The following IMMT variants were observed in gnomAD, a reference collection of about 807,000 sequenced individuals.
IMMT encodes the protein inner membrane mitochondrial protein.
A neutral mutation model predicts 92.7 loss-of-function variants in IMMT; 40 were observed. That is an observed-to-expected ratio of 0.43 (90% CI 0.34 to 0.56). The LOEUF is 0.56. Among genes scored for constraint, IMMT ranks in the 20% least tolerant of loss-of-function variants. IMMT has a pLI of 0.03. For missense variants in IMMT, 831 were observed against 912.1 expected (o/e 0.91, Z 1.14); for synonymous variants, 322 against 336.1 (o/e 0.96, Z 0.46).
Position 86,144,458 on chromosome 2 carries a change from T to G in IMMT, c.2087A>C (p.Tyr696Ser). 1.2e-6 allele frequency: 2 copies of G among 1,613,930 alleles called. No individual in the cohort carries two copies. Among genetic ancestry groups the G allele is most frequent in the Non-Finnish European group, 1.7e-6 (2 of 1,179,884 alleles). The change falls in exon 15 of 15, where the codon TAT becomes TCT. Residue 696 changes from tyrosine (Y) to serine (S), a missense_variant. By Grantham distance (144) the Tyr-to-Ser change is moderately radical. Coordinates refer to ENST00000410111, the MANE Select transcript of IMMT (RefSeq NM_006839.3). ...NTFKLLSYASYCIEHGDLELA... is the reference protein window; with the variant it reads ...NTFKLLSYASSCIEHGDLELA... Reference sequence around the variant, plus strand: ...CTCCAGATCACCATGCTCAATGCAATAGGAAGCATATGACAGTAATTTAAA... The same window carrying G: ...CTCCAGATCACCATGCTCAATGCAAGAGGAAGCATATGACAGTAATTTAAA...
intron 7 of IMMT, among the ~76,000 whole-genome samples, chr2:86,164,348 C>T (rs150086254): frequency 3.0e-4 from 45 of 151,886 alleles, no homozygotes; most frequent in East Asian, 2.4e-3. Flanking sequence ...TGAGCCACCA[C>T]GCCTGGACCG....
Position 86,144,713 on chromosome 2 carries a change from G to A in IMMT, c.1832C>T (p.Ala611Val), listed in dbSNP as rs756058869. ...CTCTGGAGGGATAGCTGCGGTTAAA[G>A]CTTGGGTGAATTCATTATCAGAACA... ...ANCSDNEFTQ[A>V]LTAAIPPESL... Residue 611 changes from alanine (A) to valine (V), a missense_variant, in exon 15 of 15, where the codon GCT becomes GTT. Ala to Val is a moderately conservative substitution (Grantham distance 64). Coordinates refer to ENST00000410111, the MANE Select transcript of IMMT (RefSeq NM_006839.3). 4 of 1,613,976 alleles carry A rather than the reference G, an allele frequency of 2.5e-6. No individual in the cohort carries two copies. The South Asian group carries it at 3.3e-5, about 13-fold the overall frequency.
In IMMT at chr2:86,150,930, T is replaced by A. The variant is rs552498792; in HGVS notation, c.1401+367A>T. On this transcript the variant is annotated intron_variant, in intron 12 of 14. Coordinates refer to ENST00000410111, the MANE Select transcript of IMMT (RefSeq NM_006839.3). ...CCAATGACTGTCAGTATTTTTTTTTTTTTTTTGAGACAGTCTTGCTCCATC... is the reference window on the plus strand; with the variant it reads ...CCAATGACTGTCAGTATTTTTTTTTATTTTTTGAGACAGTCTTGCTCCATC... 3.3e-4 allele frequency among the ~76,000 whole-genome samples: 50 copies of A among 152,244 alleles called. 2 individuals carry two copies. In the East Asian group the frequency reaches 7.1e-3, roughly 22 times the overall value.
At chr2:86,159,771 C>T (rs891685920) in intron 8 of IMMT, 100 bp from the exon 9 acceptor site, 2 of 1,082,844 alleles carry the variant, frequency 1.8e-6, no homozygotes, top group Non-Finnish European at 2.5e-6. Flanking sequence ...GTCTATGAAA[C>T]AGGCTGGGAG....
intron 1 of IMMT, among the ~76,000 whole-genome samples, chr2:86,188,928 T>C (rs935608065): frequency 1.3e-5 from 2 of 152,326 alleles, no homozygotes; most frequent in African/African-American, 4.8e-5. Flanking sequence ...AATTTATCTT[T>C]AGTTTCTCTT....
rs56964046 is a variant in IMMT, at chr2:86,164,689, CAAA to C, written c.792+1816_792+1818del. On this transcript the variant is annotated intron_variant, in intron 7 of 14. Transcript: ENST00000410111. ...CTGGTGACAGAGCAAGACTCTGTCT[CAAA>C]AAAAAAAAAAAAGGAATGGATGCTG... Among the ~76,000 whole-genome samples the C allele has an allele frequency of 9.0e-5, 10 of 111,422 alleles. 1 individual carries two copies. Among genetic ancestry groups the C allele is most frequent in the African/African-American group, 2.9e-4 (8 of 27,414 alleles). The allele number at this position is 111,422 out of a possible 152,430, so 73.1% of individuals were successfully genotyped here. A position where few individuals can be genotyped will look rare whatever the true frequency, so the allele number is the denominator to read the frequency against.
intron 1 of IMMT, among the ~76,000 whole-genome samples, chr2:86,188,113 C>G (rs1672895216): frequency 6.6e-6 from 1 of 151,958 alleles, no homozygotes; most frequent in Non-Finnish European, 1.5e-5. Flanking sequence ...AATCTCAGCT[C>G]CCTGCAACCT....
chr2:86,153,091 G>A (rs2104723466), intron 11 of IMMT, among the ~76,000 whole-genome samples: 1 of 152,250 alleles, frequency 6.6e-6, no homozygotes, highest in Non-Finnish European at 1.5e-5. Context: ...GTATGGTGAT[G>A]TTTTTGAAAC....
At chr2:86,145,015 C>T in intron 14 of IMMT, 134 bp from the exon 15 acceptor site, 1 of 989,334 alleles carries the variant, frequency 1.0e-6, no homozygotes, top group Non-Finnish European at 1.4e-6. Flanking sequence ...CTTACAACCC[C>T]ACCCCCACCA....
intron 7 of IMMT, among the ~76,000 whole-genome samples, chr2:86,163,638 T>C (rs1290858323): frequency 6.6e-6 from 1 of 152,166 alleles, no homozygotes; most frequent in East Asian, 1.9e-4. Flanking sequence ...TAAGAGTCCA[T>C]ACATTTAGAA....
chr2:86,172,537 T>C (rs1677168980), intron 4 of IMMT, among the ~76,000 whole-genome samples: 1 of 152,148 alleles, frequency 6.6e-6, no homozygotes, highest in African/African-American at 2.4e-5. Flanking sequence ...CTTGCTAAGT[T>C]GCCCAGGCTA....
intron 1 of IMMT, among the ~76,000 whole-genome samples, chr2:86,192,040 T>C (rs1490273351): frequency 6.6e-6 from 1 of 151,772 alleles, no homozygotes; most frequent in Admixed American, 6.6e-5. Context: ...CAAAATGAGC[T>C]GGAACAACAT....
rs141263193 is a variant in IMMT at position 86,174,151 on chromosome 2, A to G, written c.310-390T>C. Among the ~76,000 whole-genome samples the G allele has an allele frequency of 1.4e-4, 22 of 152,342 alleles. No individual in the cohort carries two copies. In the East Asian group the frequency reaches 3.1e-3, roughly 21 times the overall value. Reference sequence around the variant, plus strand: ...ATTCAGTTAGAAGCAAATGATTATTAAAGGCTCTGAGTGAAAATACAAATG... The same window carrying G: ...ATTCAGTTAGAAGCAAATGATTATTGAAGGCTCTGAGTGAAAATACAAATG... On this transcript the variant is annotated intron_variant, in intron 3 of 14. Transcript: ENST00000410111.
chr2:86,161,080 A>G (rs1464860712), intron 8 of IMMT, among the ~76,000 whole-genome samples: 3 of 147,628 alleles, frequency 2.0e-5, no homozygotes, highest in African/African-American at 7.5e-5. Context: ...CATGGGCAAC[A>G]GAGCAAGACC....
At chr2:86,153,708 G>A in intron 10 of IMMT, 134 bp from the exon 11 acceptor site, 1 of 473,308 alleles carries the variant, frequency 2.1e-6, no homozygotes, top group Non-Finnish European at 3.8e-6. Flanking sequence ...TTTTAATACT[G>A]GAAAATGAAA....
chr2:86,161,944 C>CTAATTACTTGTTAAAGTCCATGAG, intron 8 of IMMT, 32 bp downstream of exon 8: 2 of 1,425,540 alleles, frequency 1.4e-6, no homozygotes, highest in Non-Finnish European at 1.9e-6. Context: ...CCAGGAGGCC[C>CTAATTACTTGTTAAAGTCCATGAG]TAATTACTTG....
intron 1 of IMMT, 55 bp downstream of exon 1, chr2:86,195,283 C>T: frequency 6.8e-7 from 1 of 1,460,722 alleles, no homozygotes; most frequent in African/African-American, 1.5e-5. Context: ...CCCCGTTTTT[C>T]GCTGACGGTT....
intron 6 of IMMT, among the ~76,000 whole-genome samples, chr2:86,167,545 C>T (rs1247243497): frequency 3.5e-5 from 5 of 143,956 alleles, no homozygotes; most frequent in Non-Finnish European, 7.5e-5. Context: ...AGTGCAGTGG[C>T]ACCGTCTCAG....
intron 11 of IMMT, among the ~76,000 whole-genome samples, chr2:86,151,743 G>T (rs1053270301): frequency 6.6e-6 from 1 of 152,176 alleles, no homozygotes; most frequent in South Asian, 2.1e-4. Flanking sequence ...CAGATAATCA[G>T]TTGTTTTCCA....
Sources: allele counts gnomAD v4.1 joint callset (sites outside exome capture counted in the v4.1 genomes callset), GRCh38; gene constraint gnomAD v4.1.1; transcripts MANE v1.5; gene names NCBI Gene and HGNC (gene_info 2026-07-23, HGNC 2026-07-21).